The following ALPK1 variants were observed in gnomAD, a reference collection of about 807,000 sequenced individuals.
ALPK1 encodes the protein alpha kinase 1, also known as alpha-protein kinase 1.
In ALPK1, 110 loss-of-function variants were observed where a neutral mutation model predicts 120.6. The observed-to-expected ratio is 0.91, with a 90% CI of 0.78 to 1.07. The LOEUF is 1.07. Ranked by LOEUF, ALPK1 falls within the 50% of genes least tolerant of loss-of-function variation. The pLI is 0.00. For missense variants in ALPK1, 1,498 were observed against 1,483.9 expected, an observed-to-expected ratio of 1.01 and a Z score of -0.16; for synonymous variants, 582 against 560.3, an observed-to-expected ratio of 1.04 and a Z score of -0.55.
intron 4 of ALPK1, among the ~76,000 whole-genome samples, chr4:112,387,205 T>C (rs979861907): frequency 3.3e-5 from 5 of 152,234 alleles, no homozygotes; most frequent in Non-Finnish European, 4.4e-5. Context: ...AATTTTTCTT[T>C]CTGTAGTTTT....
At chr4:112,390,447 TTTTACATTTG>T (rs1279041502) in intron 4 of ALPK1, among the ~76,000 whole-genome samples, 3 of 152,304 alleles carry the variant, frequency 2.0e-5, no homozygotes, top group Non-Finnish European at 2.9e-5. Context: ...GTGGGGTTTC[TTTTACATTTG>T]TTTACATTTG....
At chr4:112,411,671 T>A in intron 4 of ALPK1, 156 bp from the exon 5 acceptor site, 3 of 667,370 alleles carry the variant, frequency 4.5e-6, no homozygotes, top group Non-Finnish European at 7.6e-6. Flanking sequence ...TGGACTTTTC[T>A]ATTTTCTTTC....
intron 2 of ALPK1, among the ~76,000 whole-genome samples, chr4:112,335,582 G>T (rs897505934): frequency 6.6e-6 from 1 of 152,152 alleles, no homozygotes; most frequent in African/African-American, 2.4e-5. Flanking sequence ...TCTGTGTGGG[G>T]TGAGTTTCTG....
At chr4:112,422,501 T>C (rs768489465) in intron 5 of ALPK1, among the ~76,000 whole-genome samples, 6 of 152,184 alleles carry the variant, frequency 3.9e-5, no homozygotes, top group South Asian at 2.1e-4. Context: ...CTGTTCCCTT[T>C]CTCAAACTTC....
intron 4 of ALPK1, among the ~76,000 whole-genome samples, chr4:112,393,910 T>A (rs974634461): frequency 6.8e-6 from 1 of 148,144 alleles, no homozygotes; most frequent in African/African-American, 2.6e-5. Flanking sequence ...CTGGTGTGCA[T>A]ACACACATAC....
rs1734957007 is a variant in ALPK1 at position 112,439,853 on chromosome 4, T to A, written c.3519T>A (p.Asp1173Glu). ...HFSYEFSNHR[D>E]VVVDLQGWVT... is the part of the protein sequence containing the mutation. Reference sequence around the variant, plus strand: ...CTTATGAGTTTTCTAATCATAGAGATGTTGTGGTCGATTTACAAGGTATGT... The same window carrying A: ...CTTATGAGTTTTCTAATCATAGAGAAGTTGTGGTCGATTTACAAGGTATGT... Residue 1173 changes from aspartate to glutamate, a missense_variant, in exon 14 of 16, where the codon GAT becomes GAA. Coordinates refer to ENST00000650871, the MANE Select transcript of ALPK1 (RefSeq NM_025144.4). The A allele has an allele frequency of 6.2e-7, 1 of 1,606,850 alleles. No homozygotes were observed. Among genetic ancestry groups the A allele is most frequent in the Non-Finnish European group, 8.5e-7 (1 of 1,178,408 alleles).
intron 2 of ALPK1, among the ~76,000 whole-genome samples, chr4:112,350,389 G>A (rs1212146442): frequency 1.3e-5 from 2 of 152,130 alleles, no homozygotes; most frequent in Admixed American, 1.3e-4. Context: ...TATGCTTCAT[G>A]CTGTTTTCAT....
chr4:112,430,750 A>G lies in ALPK1; in HGVS notation c.1203A>G (p.Arg401=). Residue 401 remains arginine (R), a synonymous_variant, in exon 11 of 16, where the codon AGA becomes AGG. Coordinates refer to ENST00000650871, the MANE Select transcript of ALPK1 (RefSeq NM_025144.4). The stretch of plus-strand genomic sequence containing the variant: ...GCACTTCCTCCAGAAGTCAGGACAG[A>G]GAAGCTCTGTCTCAAGAAGTTATGT... The part of the protein sequence containing the change: ...NFSTSSRSQD[R]EALSQEVMSV... 6.2e-7 allele frequency: 1 copy of G among 1,614,240 alleles called. No individual in the cohort carries two copies. Among genetic ancestry groups the G allele is most frequent in the Non-Finnish European group, 8.5e-7 (1 of 1,180,038 alleles).
chr4:112,317,507 T>G (rs1465310295), intron 2 of ALPK1, among the ~76,000 whole-genome samples: 2 of 152,148 alleles, frequency 1.3e-5, no homozygotes, highest in Non-Finnish European at 2.9e-5. Flanking sequence ...TATTCTTTCC[T>G]CATTGGATGG....
intron 2 of ALPK1, among the ~76,000 whole-genome samples, chr4:112,363,539 G>T (rs1243114020): frequency 6.6e-6 from 1 of 152,190 alleles, no homozygotes; most frequent in East Asian, 1.9e-4. Context: ...TAACACTGGA[G>T]CTCCCAAATT....
chr4:112,382,690 T>C, intron 4 of ALPK1, 138 bp downstream of exon 4: 2 of 1,227,780 alleles, frequency 1.6e-6, no homozygotes, highest in Admixed American at 2.1e-5. Context: ...GATTGACTAA[T>C]GTGAGGGAAA....
intron 1 of ALPK1, among the ~76,000 whole-genome samples, chr4:112,309,489 A>G (rs1307876289): frequency 1.3e-5 from 2 of 152,064 alleles, no homozygotes; most frequent in African/African-American, 4.8e-5. Flanking sequence ...CTGCAGTTCG[A>G]TCTCAGACTG....
At chr4:112,412,235 A>G (rs999868073) in intron 5 of ALPK1, among the ~76,000 whole-genome samples, 2 of 152,150 alleles carry the variant, frequency 1.3e-5, no homozygotes, top group African/African-American at 4.8e-5. Context: ...TCAGAGCCAA[A>G]AGCAGTAGAG....
At chr4:112,391,255 T>C (rs1732403966) in intron 4 of ALPK1, among the ~76,000 whole-genome samples, 1 of 152,182 alleles carries the variant, frequency 6.6e-6, no homozygotes, top group African/African-American at 2.4e-5. Context: ...AAGTTTTCCT[T>C]TGCCTTGTGA....
chr4:112,326,261 G>A (rs1729111928), intron 2 of ALPK1, among the ~76,000 whole-genome samples: 1 of 152,086 alleles, frequency 6.6e-6, no homozygotes, highest in South Asian at 2.1e-4. Flanking sequence ...ATTAAATGCT[G>A]GAAGGAACAA....
intron 1 of ALPK1, among the ~76,000 whole-genome samples, chr4:112,311,166 T>C (rs1728385921): frequency 6.6e-6 from 1 of 152,176 alleles, no homozygotes. Flanking sequence ...GAATAGATCA[T>C]AGGGTGGAGG....
chr4:112,310,297 C>G (rs1009285650), intron 1 of ALPK1, among the ~76,000 whole-genome samples: 2 of 152,144 alleles, frequency 1.3e-5, no homozygotes, highest in Non-Finnish European at 2.9e-5. Context: ...ATAACACCTA[C>G]TCAACTAGAG....
intron 2 of ALPK1, among the ~76,000 whole-genome samples, chr4:112,337,686 G>C (rs1024997290): frequency 6.6e-6 from 1 of 152,084 alleles, no homozygotes; most frequent in African/African-American, 2.4e-5. Context: ...CTAGGCAACA[G>C]AGTAAGACTG....
intron 2 of ALPK1, among the ~76,000 whole-genome samples, chr4:112,322,862 GA>G (rs1301973825): frequency 1.3e-5 from 2 of 152,116 alleles, no homozygotes; most frequent in Non-Finnish European, 2.9e-5. Flanking sequence ...CAGATTCATG[GA>G]AATAACATTA....
Sources: gnomAD v4.1 joint callset for allele counts (sites outside exome capture counted in the v4.1 genomes callset) on GRCh38, gnomAD v4.1.1 for gene constraint, MANE v1.5 for transcripts, NCBI Gene and HGNC (gene_info 2026-07-23, HGNC 2026-07-21) for gene names.